Variants in PCDH15 observed in about 807,000 individuals in gnomAD.
PCDH15 encodes the protein protocadherin related 15, also known as protocadherin-15.
PCDH15 carries 129 observed loss-of-function variants against 178.5 expected under a neutral mutation model. That is an observed-to-expected ratio of 0.72 (90% confidence interval 0.63 to 0.84). The LOEUF (loss-of-function observed/expected upper bound fraction) is 0.84, where lower values mean the gene tolerates loss of function less well. PCDH15 is among the 40% of genes least tolerant of loss of function. The pLI is 0.00. For synonymous variants in PCDH15, 800 were observed against 732.0 expected (o/e 1.09, Z -1.50); for missense variants, 2,230 against 2,099.9 (o/e 1.06, Z -1.21).
intron 2 of PCDH15, among the ~76,000 whole-genome samples, chr10:55,612,296 A>G (rs1325411914): frequency 3.9e-5 from 6 of 152,158 alleles, no homozygotes; most frequent in Non-Finnish European, 5.9e-5. Context: ...TTATAAATAC[A>G]TATAATTAAT....
chr10:54,098,678 A>G (rs560028011), intron 15 of PCDH15, among the ~76,000 whole-genome samples: 1 of 152,230 alleles, frequency 6.6e-6, no homozygotes, highest in Non-Finnish European at 1.5e-5. Context: ...TGTGCATAGT[A>G]GTATTTGGCC....
At chr10:53,841,730 G>A (rs1310832541) in intron 28 of PCDH15, among the ~76,000 whole-genome samples, 3 of 152,056 alleles carry the variant, frequency 2.0e-5, no homozygotes, top group East Asian at 1.9e-4. Flanking sequence ...TCTCGGCTTC[G>A]CAATTTCTTT....
chr10:54,142,030 A>C (rs1438033170), intron 14 of PCDH15, among the ~76,000 whole-genome samples: 1 of 152,118 alleles, frequency 6.6e-6, no homozygotes, highest in Non-Finnish European at 1.5e-5. Flanking sequence ...AAAAAAAAAC[A>C]ACATTAGTTG....
chr10:55,040,174 T>C (rs1182477683), intron 2 of PCDH15, among the ~76,000 whole-genome samples: 3 of 152,136 alleles, frequency 2.0e-5, no homozygotes, highest in African/African-American at 4.8e-5. Flanking sequence ...TGTAAAATCA[T>C]GTGCTCTTGT....
At chr10:54,507,431 G>A (rs2081264251) in intron 3 of PCDH15, among the ~76,000 whole-genome samples, 1 of 151,264 alleles carries the variant, frequency 6.6e-6, no homozygotes. Context: ...TTTATAATCA[G>A]TGCTTTATAA....
chr10:53,899,020 A>G (rs181513911), intron 26 of PCDH15, among the ~76,000 whole-genome samples: 2 of 152,238 alleles, frequency 1.3e-5, no homozygotes, highest in East Asian at 3.9e-4. Context: ...ACCTTCACCT[A>G]AATTTCAGAT....
intron 2 of PCDH15, among the ~76,000 whole-genome samples, chr10:54,614,410 G>T (rs2093064523): frequency 6.6e-6 from 1 of 151,868 alleles, no homozygotes; most frequent in African/African-American, 2.4e-5. Flanking sequence ...TCACTTTAAG[G>T]GGTTATTGTT....
At chr10:54,275,398 A>T (rs1480266871) in intron 8 of PCDH15, among the ~76,000 whole-genome samples, 1 of 151,882 alleles carries the variant, frequency 6.6e-6, no homozygotes, top group Non-Finnish European at 1.5e-5. Flanking sequence ...GACTTGCCTA[A>T]GGTAAAAGTT....
At chr10:53,918,548 C>G (rs1471508436) in intron 25 of PCDH15, among the ~76,000 whole-genome samples, 1 of 152,102 alleles carries the variant, frequency 6.6e-6, no homozygotes, top group Non-Finnish European at 1.5e-5. Context: ...ACAGTTGCCC[C>G]TTCTATATTT....
intron 27 of PCDH15, among the ~76,000 whole-genome samples, chr10:53,866,124 GTCA>G (rs1375405140): frequency 5.3e-5 from 8 of 152,084 alleles, no homozygotes; most frequent in Non-Finnish European, 1.2e-4. Flanking sequence ...GCTAAACAAT[GTCA>G]TCATTGGGAA....
At chr10:55,622,155 AT>A (rs1487430911) in intron 2 of PCDH15, among the ~76,000 whole-genome samples, 1 of 73,348 alleles carries the variant, frequency 1.4e-5, no homozygotes, top group Non-Finnish European at 2.9e-5. Flanking sequence ...ATATCTATAA[AT>A]ATATATATTA....
At chr10:54,707,223 A>C (rs1210084570) in intron 1 of PCDH15, among the ~76,000 whole-genome samples, 3 of 152,168 alleles carry the variant, frequency 2.0e-5, no homozygotes, top group Admixed American at 6.5e-5. Flanking sequence ...GAAATTAAGT[A>C]AGACTCAACT....
rs114411742 is a variant in PCDH15 at position 54,984,176 on chromosome 10, G to A, written c.-79-86676C>T. Among the ~76,000 whole-genome samples the A allele has an allele frequency of 5.7e-3, 871 of 152,254 alleles. 7 individuals are homozygous for A. The highest frequency in any genetic ancestry group is 0.02 in the African/African-American group (815 of 41,556). On this transcript the variant is annotated intron_variant, in intron 2 of 5. Coordinates refer to the PCDH15 transcript ENST00000458638. Reference sequence around the variant, plus strand: ...TTTAACCTGAAGATTTGAAAGGCCTGAGAAACAAGGTCCCTCTGATCTTCT... The same window carrying A: ...TTTAACCTGAAGATTTGAAAGGCCTAAGAAACAAGGTCCCTCTGATCTTCT...
In PCDH15 at chr10:54,527,853, G is replaced by A. The variant is rs1326282175; in HGVS notation, c.116C>T (p.Pro39Leu). The A allele has an allele frequency of 1.2e-6, 2 of 1,611,958 alleles. No individual in the cohort carries two copies. Among genetic ancestry groups the A allele is most frequent in the South Asian group, 1.1e-5 (1 of 90,910 alleles). The stretch of plus-strand genomic sequence containing the variant: ...ATCAATAGCAACTATGGTAGCTGGT[G>A]GTCCTCCCCTAGCTAGTTTGCAATC... Reference protein sequence around the residue: ...DDDCKLARGGPPATIVAIDEE... With the variant: ...DDDCKLARGGLPATIVAIDEE... The change falls in exon 3 of 38, where the codon CCA (proline) becomes CTA (leucine). Residue 39 changes from proline to leucine, a missense_variant. Physicochemically the swap from Pro to Leu is moderately conservative, Grantham distance 98 (BLOSUM62 -3). Transcript: ENST00000644397.
intron 13 of PCDH15, among the ~76,000 whole-genome samples, chr10:54,164,015 G>A (rs532275323): frequency 6.6e-6 from 1 of 152,166 alleles, no homozygotes; most frequent in South Asian, 2.1e-4. Context: ...TGGTACCTTT[G>A]GCGAAGTTTG....
intron 2 of PCDH15, among the ~76,000 whole-genome samples, chr10:55,076,725 T>C (rs1367042528): frequency 1.3e-5 from 2 of 151,324 alleles, no homozygotes; most frequent in Non-Finnish European, 2.9e-5. Flanking sequence ...CCCACAGTGC[T>C]AGGATTACAG....
chr10:54,602,789 A>G (rs2092596580), intron 2 of PCDH15, among the ~76,000 whole-genome samples: 1 of 151,972 alleles, frequency 6.6e-6, no homozygotes, highest in South Asian at 2.1e-4. Flanking sequence ...TGCATGTTCA[A>G]CCATCCTTGC....
At chr10:55,155,677 A>C (rs1326387930) in intron 2 of PCDH15, among the ~76,000 whole-genome samples, 1 of 152,050 alleles carries the variant, frequency 6.6e-6, no homozygotes, top group Non-Finnish European at 1.5e-5. Context: ...AAACAGAAAC[A>C]TAATTATTGG....
chr10:55,434,107 GTC>G lies in PCDH15; in HGVS notation c.-156+193516_-156+193517del, dbSNP rs542968129. Among the ~76,000 whole-genome samples, 625 of 100,984 alleles carry G rather than the reference GTC, an allele frequency of 6.2e-3. 5 individuals are homozygous for G. Among genetic ancestry groups the G allele is most frequent in the African/African-American group, 0.024 (596 of 24,560 alleles). The allele number at this position is 100,984 out of a possible 152,430, so 66.2% of individuals were successfully genotyped here. ...TTTTTTTTTTTTTTTTTGAGATGGT[GTC>G]TCTCTCTGTCGCCCAGGCTGGAGTG... is the stretch of plus-strand genomic sequence containing the variant. On this transcript the variant is annotated intron_variant, in intron 2 of 5. Transcript: ENST00000613346.
Sources: gnomAD v4.1 joint callset for allele counts (sites outside exome capture counted in the v4.1 genomes callset) on GRCh38, gnomAD v4.1.1 for gene constraint, MANE v1.5 for transcripts, NCBI Gene and HGNC (gene_info 2026-07-23, HGNC 2026-07-21) for gene names.